BNC2: variants seen among roughly 807,000 people sequenced by gnomAD.
The protein encoded by BNC2 is zinc finger protein basonuclin-2.
In BNC2, 20 loss-of-function variants were observed where a neutral mutation model predicts 76.3. The ratio of observed to expected loss-of-function variants is 0.26; its 90% CI spans 0.18 to 0.38. BNC2 has a LOEUF of 0.38. Among genes scored for constraint, BNC2 ranks in the 10% least tolerant of loss-of-function variants. The probability of loss-of-function intolerance (pLI) is 1.00; values close to 1 mark genes in which losing one functional copy is unlikely to be tolerated. For synonymous variants in BNC2, 582 were observed against 514.8 expected (o/e 1.13, Z -1.77); for missense variants, 1,382 against 1,399.8 (o/e 0.99, Z 0.20).
chr9:16,726,558 T>TAA (rs1563916666), intron 3 of BNC2, among the ~76,000 whole-genome samples: 5 of 103,202 alleles, frequency 4.8e-5, no homozygotes, highest in African/African-American at 2.0e-4. Flanking sequence ...CAAAAGCTTT[T>TAA]TAAAAAAAAA....
intron 1 of BNC2, among the ~76,000 whole-genome samples, chr9:16,758,604 C>G (rs1184398685): frequency 2.0e-5 from 3 of 152,126 alleles, no homozygotes; most frequent in Admixed American, 6.5e-5. Context: ...GCTGAGATTA[C>G]GGGCATGAGC....
At chr9:16,685,940 G>A (rs1822965517) in intron 3 of BNC2, among the ~76,000 whole-genome samples, 1 of 152,190 alleles carries the variant, frequency 6.6e-6, no homozygotes, top group African/African-American at 2.4e-5. Flanking sequence ...GAGACAGAAG[G>A]AAGGAAATGC....
At chr9:16,640,789 C>T (rs533058479) in intron 3 of BNC2, among the ~76,000 whole-genome samples, 1 of 152,228 alleles carries the variant, frequency 6.6e-6, no homozygotes, top group African/African-American at 2.4e-5. Context: ...GGGAAGAGTC[C>T]AAACTGGGCA....
chr9:16,841,738 C>G (rs1396270485), intron 1 of BNC2, among the ~76,000 whole-genome samples: 1 of 151,810 alleles, frequency 6.6e-6, no homozygotes, highest in African/African-American at 2.4e-5. Context: ...ATGAAAAGAG[C>G]TGCATGCATG....
At chr9:16,637,747 C>T (rs748874758) in intron 3 of BNC2, among the ~76,000 whole-genome samples, 2 of 152,124 alleles carry the variant, frequency 1.3e-5, no homozygotes, top group South Asian at 2.1e-4. Flanking sequence ...GAGAGTGCCC[C>T]AGCTACTAGA....
At position 16,582,705 on chromosome 9, in the gene BNC2, G is replaced by T. The variant is rs569437703; in HGVS notation, c.433+278C>A. Among the ~76,000 whole-genome samples the T allele has an allele frequency of 7.2e-5, 11 of 152,302 alleles. No individual in the cohort carries two copies. In the South Asian group the frequency reaches 2.1e-3, roughly 29 times the overall value. On this transcript the variant is annotated intron_variant, in intron 4 of 6. Transcript: ENST00000380672. ...CCATCAGGCCTGGTGCTTGCTGGCT[G>T]CGCCCATGCTCAGTAAGAACTTCAC...
chr9:16,783,155 G>A (rs1360517710), intron 1 of BNC2, among the ~76,000 whole-genome samples: 4 of 152,160 alleles, frequency 2.6e-5, no homozygotes, highest in South Asian at 2.1e-4. Context: ...ACAGAAGTAA[G>A]TTGAAATTAA....
At chr9:16,520,842 T>C (rs554130537) in intron 5 of BNC2, among the ~76,000 whole-genome samples, 1 of 152,312 alleles carries the variant, frequency 6.6e-6, no homozygotes, top group Admixed American at 6.5e-5. Context: ...AGAAATCCTG[T>C]CTTCAGTATG....
Position 16,870,664 on chromosome 9 carries a change from G to A in BNC2, c.-16C>T. On this transcript the variant is annotated 5_prime_UTR_variant, in exon 1 of 7. Coordinates refer to ENST00000380672, the MANE Select transcript of BNC2 (RefSeq NM_017637.6). ...TTCTTACCATCTCGGCATGCTGGTTGTCAAGTGCAGCCCCCGCCTCTTGGT... is the reference window on the plus strand; with the variant it reads ...TTCTTACCATCTCGGCATGCTGGTTATCAAGTGCAGCCCCCGCCTCTTGGT... The A allele has an allele frequency of 1.9e-6, 3 of 1,610,446 alleles. No individual in the cohort carries two copies. Among genetic ancestry groups the A allele is most frequent in the Non-Finnish European group, 2.5e-6 (3 of 1,178,364 alleles).
chr9:16,544,533 C>G (rs749232880), intron 5 of BNC2, among the ~76,000 whole-genome samples: 13 of 152,118 alleles, frequency 8.5e-5, no homozygotes, highest in Admixed American at 3.3e-4. Context: ...TAAACCATTA[C>G]TTGGCCGGGT....
At chr9:16,844,952 T>C (rs1205607127) in intron 1 of BNC2, among the ~76,000 whole-genome samples, 1 of 152,152 alleles carries the variant, frequency 6.6e-6, no homozygotes, top group African/African-American at 2.4e-5. Flanking sequence ...AGCCCCCCAG[T>C]TGAGTCATTT....
At chr9:16,446,196 A>T (rs1821228193) in intron 5 of BNC2, among the ~76,000 whole-genome samples, 1 of 152,174 alleles carries the variant, frequency 6.6e-6, no homozygotes, top group African/African-American at 2.4e-5. Context: ...CACTCTTATT[A>T]TATACTACTC....
intron 5 of BNC2, among the ~76,000 whole-genome samples, chr9:16,465,167 G>A (rs752200482): frequency 2.6e-5 from 4 of 152,174 alleles, no homozygotes; most frequent in East Asian, 1.9e-4. Context: ...CAGGCCTGGC[G>A]GCTCACGCCT....
Position 16,589,759 on chromosome 9 carries a change from C to T in BNC2, c.331-6674G>A, listed in dbSNP as rs537922454. The stretch of plus-strand genomic sequence containing the variant: ...TCCTGACTTCGTGATCCACCCGCCT[C>T]GGCCTCTCAAAGTGCTGGAATTACA... On this transcript the variant is annotated intron_variant, in intron 3 of 6. Coordinates refer to ENST00000380672, the MANE Select transcript of BNC2 (RefSeq NM_017637.6). 6.2e-4 allele frequency among the ~76,000 whole-genome samples: 94 copies of T among 152,208 alleles called. 1 individual carries two copies. The highest frequency in any genetic ancestry group is 6.8e-3 in the Middle Eastern group (2 of 294).
intron 3 of BNC2, among the ~76,000 whole-genome samples, chr9:16,726,235 T>A (rs1824314705): frequency 6.6e-6 from 1 of 152,192 alleles, no homozygotes; most frequent in Admixed American, 6.5e-5. Context: ...AATGGGAAAT[T>A]GCACATGAAG....
At chr9:16,478,236 T>A (rs1462328295) in intron 5 of BNC2, among the ~76,000 whole-genome samples, 1 of 152,144 alleles carries the variant, frequency 6.6e-6, no homozygotes, top group Non-Finnish European at 1.5e-5. Context: ...GAGGACTCCA[T>A]TCTGGCAGGC....
At chr9:16,866,898 C>G (rs945031512) in intron 1 of BNC2, among the ~76,000 whole-genome samples, 2 of 152,124 alleles carry the variant, frequency 1.3e-5, no homozygotes, top group African/African-American at 4.8e-5. Flanking sequence ...ACCTCCCCTT[C>G]CACAAGAAAT....
At chr9:16,602,598 G>A (rs572384522) in intron 3 of BNC2, among the ~76,000 whole-genome samples, 5 of 152,298 alleles carry the variant, frequency 3.3e-5, no homozygotes, top group African/African-American at 7.2e-5. Flanking sequence ...ACTCAGGCCC[G>A]CTTTCACAGC....
chr9:16,421,097 G>A lies in BNC2; in HGVS notation c.2640-1448C>T, dbSNP rs970930309. Among the ~76,000 whole-genome samples, 4 of 152,248 alleles carry A rather than the reference G, an allele frequency of 2.6e-5. No homozygotes were observed. The East Asian group carries it at 7.8e-4, about 30-fold the overall frequency. On this transcript the variant is annotated intron_variant, in intron 6 of 6. Coordinates refer to ENST00000380672, the MANE Select transcript of BNC2 (RefSeq NM_017637.6). ...TGTGTCATTCCATTTGGTGACAAAC[G>A]TGGGTGATATTTCCTAGAGATGGTT... is the stretch of plus-strand genomic sequence containing the variant.
Sources: allele counts gnomAD v4.1 joint callset (sites outside exome capture counted in the v4.1 genomes callset), GRCh38; gene constraint gnomAD v4.1.1; transcripts MANE v1.5; gene names NCBI Gene and HGNC (gene_info 2026-07-23, HGNC 2026-07-21).